Variants in HDAC9 observed in about 807,000 individuals in gnomAD.
HDAC9 encodes the protein MEF-2 interacting transcription repressor (MITR) protein.
HDAC9 carries 41 observed loss-of-function variants against 139.4 expected under a neutral mutation model. That is an observed-to-expected ratio of 0.29 (90% CI 0.23 to 0.38). HDAC9 has a LOEUF of 0.38. Among genes scored for constraint, HDAC9 ranks in the 10% least tolerant of loss-of-function variants. The pLI is 1.00. For missense variants in HDAC9, 1,147 were observed against 1,297.0 expected, an observed-to-expected ratio of 0.88 and a Z score of 1.78; for synonymous variants, 517 against 476.2, an observed-to-expected ratio of 1.09 and a Z score of -1.12.
intron 16 of HDAC9, among the ~76,000 whole-genome samples, chr7:18,786,836 A>ATTCC (rs4001106): frequency 3.0e-5 from 2 of 66,942 alleles, no homozygotes; most frequent in East Asian, 3.2e-4. Flanking sequence ...TCCTTCCTTC[A>ATTCC]TTCCTTCCTT....
chr7:18,199,645 C>T (rs922864124), intron 2 of HDAC9, among the ~76,000 whole-genome samples: 4 of 145,280 alleles, frequency 2.8e-5, no homozygotes, highest in Non-Finnish European at 4.5e-5. Flanking sequence ...ATTAGTTGGG[C>T]GTGGTGGCAT....
intron 1 of HDAC9, among the ~76,000 whole-genome samples, chr7:18,404,743 A>G (rs186217483): frequency 1.3e-5 from 2 of 152,378 alleles, no homozygotes; most frequent in East Asian, 3.8e-4. Flanking sequence ...TTAAGTTTCT[A>G]CAGTATATTT....
At chr7:18,250,795 A>G (rs1054631477) in intron 2 of HDAC9, among the ~76,000 whole-genome samples, 1 of 150,788 alleles carries the variant, frequency 6.6e-6, no homozygotes, top group Non-Finnish European at 1.5e-5. Context: ...TTGTTTTTTG[A>G]CTTTTTAGTA....
At position 18,748,900 on chromosome 7, in the gene HDAC9, A is replaced by G. The variant is rs187922978; in HGVS notation, c.1910-105A>G. On this transcript the variant is annotated intron_variant, in intron 13 of 25. Coordinates refer to ENST00000686413, the MANE Select transcript of HDAC9 (RefSeq NM_178425.4). The stretch of plus-strand genomic sequence containing the variant: ...TGATATTTCCTCCTTTGTTAAATTT[A>G]TTTTAAGAATAATGACTTTTTTGGA... 368 of 1,081,272 alleles carry G rather than the reference A, an allele frequency of 3.4e-4. 3 individuals are homozygous for G. Among genetic ancestry groups the G allele is most frequent in the Non-Finnish European group, 7.4e-5 (56 of 755,668 alleles). The allele number at this position is 1,081,272 out of a possible 1,614,324, so 67.0% of individuals were successfully genotyped here.
intron 12 of HDAC9, among the ~76,000 whole-genome samples, chr7:18,687,326 C>T (rs982045338): frequency 6.6e-6 from 1 of 151,752 alleles, no homozygotes; most frequent in Non-Finnish European, 1.5e-5. Context: ...CTGGCCATGC[C>T]AGATCCCTTT....
intron 11 of HDAC9, among the ~76,000 whole-genome samples, chr7:18,651,628 G>T (rs1322262328): frequency 6.6e-6 from 1 of 152,090 alleles, no homozygotes; most frequent in East Asian, 1.9e-4. Flanking sequence ...AAATTTGAAA[G>T]AGTTTTTCAT....
At chr7:18,546,778 C>T (rs1313977017) in intron 2 of HDAC9, among the ~76,000 whole-genome samples, 1 of 152,166 alleles carries the variant, frequency 6.6e-6, no homozygotes, top group Admixed American at 6.5e-5. Context: ...CCAGTCTCCC[C>T]TCACCTGAGA....
intron 6 of HDAC9, among the ~76,000 whole-genome samples, chr7:18,604,307 T>A (rs1834807758): frequency 6.6e-6 from 1 of 152,182 alleles, no homozygotes; most frequent in Admixed American, 6.5e-5. Context: ...TTTAAAAAAA[T>A]TGTTTTTTGC....
At chr7:18,613,066 C>G (rs1015784499) in intron 6 of HDAC9, among the ~76,000 whole-genome samples, 1 of 147,088 alleles carries the variant, frequency 6.8e-6, no homozygotes, top group South Asian at 2.1e-4. Context: ...TTATAATAGA[C>G]TGAATAATAG....
chr7:18,780,853 G>A (rs903670032), intron 16 of HDAC9, among the ~76,000 whole-genome samples: 2 of 151,994 alleles, frequency 1.3e-5, no homozygotes, highest in Non-Finnish European at 2.9e-5. Flanking sequence ...ACTTGCACTA[G>A]CCCATTGTGT....
intron 1 of HDAC9, among the ~76,000 whole-genome samples, chr7:18,096,911 G>A (rs965153382): frequency 1.3e-5 from 2 of 150,372 alleles, no homozygotes; most frequent in East Asian, 3.9e-4. Flanking sequence ...GTGTGTGTGT[G>A]TGTGTGTGTG....
At chr7:18,695,824 T>G (rs914251525) in intron 12 of HDAC9, among the ~76,000 whole-genome samples, 7 of 152,212 alleles carry the variant, frequency 4.6e-5, no homozygotes, top group African/African-American at 1.4e-4. Context: ...TTCAGTTTTC[T>G]CACACATTTT....
At chr7:18,469,854 C>A (rs551955860) in intron 1 of HDAC9, among the ~76,000 whole-genome samples, 9 of 152,128 alleles carry the variant, frequency 5.9e-5, no homozygotes, top group Non-Finnish European at 1.2e-4. Context: ...TTAGATCAAC[C>A]AGGAGAGTAA....
chr7:18,088,953 T>C (rs763867475), intron 1 of HDAC9, among the ~76,000 whole-genome samples: 2 of 152,252 alleles, frequency 1.3e-5, no homozygotes, highest in African/African-American at 2.4e-5. Context: ...AGCATTTTCT[T>C]AGAATATGCC....
intron 19 of HDAC9, among the ~76,000 whole-genome samples, chr7:18,832,059 A>G (rs1440840983): frequency 6.6e-6 from 1 of 152,164 alleles, no homozygotes; most frequent in Non-Finnish European, 1.5e-5. Flanking sequence ...CATTTATTCC[A>G]TGTTCCTTTC....
chr7:18,358,381 T>C (rs1432013212), intron 1 of HDAC9, among the ~76,000 whole-genome samples: 1 of 152,224 alleles, frequency 6.6e-6, no homozygotes, highest in African/African-American at 2.4e-5. Context: ...AAGTTATAAA[T>C]AGCTTTTAGC....
chr7:18,668,171 C>G, intron 12 of HDAC9: 1 of 850,932 alleles, frequency 1.2e-6, no homozygotes, highest in Non-Finnish European at 1.4e-6. Context: ...AGTCTCCATT[C>G]AAATTAAATT....
intron 2 of HDAC9, among the ~76,000 whole-genome samples, chr7:18,573,910 T>C (rs528374607): frequency 6.6e-6 from 1 of 152,252 alleles, no homozygotes; most frequent in South Asian, 2.1e-4. Context: ...CTTCTCCCCT[T>C]CTCATCGCCC....
chr7:18,936,855 C>T (rs1438975039), intron 23 of HDAC9, among the ~76,000 whole-genome samples: 5 of 151,626 alleles, frequency 3.3e-5, no homozygotes, highest in Non-Finnish European at 7.4e-5. Flanking sequence ...CAAAATGTAC[C>T]TTTTCTTCTG....
Sources: allele counts gnomAD v4.1 joint callset (sites outside exome capture counted in the v4.1 genomes callset), GRCh38; gene constraint gnomAD v4.1.1; transcripts MANE v1.5; gene names NCBI Gene and HGNC (gene_info 2026-07-23, HGNC 2026-07-21).